The following GNB1 variants were observed in gnomAD, a reference collection of about 807,000 sequenced individuals.
GNB1 encodes guanine nucleotide-binding protein G(I)/G(S)/G(T) subunit beta-1.
GNB1 carries 2 observed loss-of-function variants against 42.9 expected under a neutral mutation model. That is an observed-to-expected ratio of 0.05 (90% CI 0.02 to 0.15). The LOEUF is 0.15. Ranked by LOEUF, GNB1 falls within the 10% of genes least tolerant of loss-of-function variation. GNB1 has a pLI of 1.00. For synonymous variants in GNB1, 183 were observed against 174.7 expected (o/e 1.05, Z -0.38); for missense variants, 193 against 462.2 (o/e 0.42, Z 5.34).
intron 7 of GNB1, among the ~76,000 whole-genome samples, chr1:1,797,071 C>T (rs1405773937): frequency 1.3e-5 from 2 of 152,126 alleles, no homozygotes; most frequent in Non-Finnish European, 1.5e-5. Flanking sequence ...GCATGGCTGC[C>T]GACCCAAAGA....
At chr1:1,861,299 C>A (rs535756736) in intron 1 of GNB1, among the ~76,000 whole-genome samples, 4 of 151,812 alleles carry the variant, frequency 2.6e-5, no homozygotes, top group South Asian at 2.1e-4. Context: ...TCCACACACA[C>A]AAAAAAATTT....
At chr1:1,813,485 TTTAC>T (rs1335961081) in intron 5 of GNB1, among the ~76,000 whole-genome samples, 2 of 152,136 alleles carry the variant, frequency 1.3e-5, no homozygotes, top group African/African-American at 2.4e-5. Flanking sequence ...TTCTTACTTA[TTTAC>T]TTATTTATTT....
intron 8 of GNB1, among the ~76,000 whole-genome samples, chr1:1,792,880 A>G (rs1478274863): frequency 6.6e-6 from 1 of 152,012 alleles, no homozygotes; most frequent in Non-Finnish European, 1.5e-5. Context: ...AGCCTGGCCA[A>G]TGTGGTGAAA....
intron 5 of GNB1, among the ~76,000 whole-genome samples, chr1:1,812,065 C>CAAA (rs1337182201): frequency 7.3e-6 from 1 of 136,686 alleles, no homozygotes; most frequent in African/African-American, 2.8e-5. Flanking sequence ...GACTCCGTCT[C>CAAA]AAAAAAAAAA....
At chr1:1,864,408 T>A (rs1648808709) in intron 1 of GNB1, among the ~76,000 whole-genome samples, 1 of 151,166 alleles carries the variant, frequency 6.6e-6, no homozygotes, top group Non-Finnish European at 1.5e-5. Flanking sequence ...CGTGGCAACT[T>A]CTGGCTCATA....
intron 4 of GNB1, among the ~76,000 whole-genome samples, chr1:1,817,113 C>T (rs1054364894): frequency 2.0e-5 from 3 of 152,156 alleles, no homozygotes; most frequent in African/African-American, 7.2e-5. Context: ...CCCTCTCTCC[C>T]CTAACACCCC....
intron 5 of GNB1, among the ~76,000 whole-genome samples, chr1:1,811,661 A>G (rs1339747441): frequency 1.3e-5 from 2 of 151,526 alleles, no homozygotes; most frequent in Non-Finnish European, 2.9e-5. Context: ...GCACCATTGC[A>G]CTCTAGCCTG....
At chr1:1,871,442 A>G (rs553737682) in intron 1 of GNB1, among the ~76,000 whole-genome samples, 16 of 150,636 alleles carry the variant, frequency 1.1e-4, no homozygotes, top group African/African-American at 3.6e-4. Context: ...CCACGGCAAC[A>G]GAGTGAGACT....
chr1:1,877,257 G>A (rs1235897634), intron 1 of GNB1, among the ~76,000 whole-genome samples: 5 of 147,132 alleles, frequency 3.4e-5, no homozygotes, highest in Non-Finnish European at 7.4e-5. Context: ...CCGAGATCGC[G>A]CCTCTGCACT....
intron 2 of GNB1, among the ~76,000 whole-genome samples, chr1:1,834,754 C>T (rs1410978475): frequency 2.6e-5 from 4 of 151,340 alleles, no homozygotes; most frequent in African/African-American, 9.7e-5. Flanking sequence ...GTGCAACCTC[C>T]GCCTCCCGGG....
intron 4 of GNB1, chr1:1,817,555 G>T: frequency 3.8e-6 from 1 of 261,616 alleles, no homozygotes; most frequent in Non-Finnish European, 7.3e-6. Context: ...CTGTTGAGGA[G>T]AGGAGCTTCA....
In GNB1 at chr1:1,890,924, G is replaced by T. The variant is rs1416772009; in HGVS notation, c.-200C>A. On this transcript the variant is annotated 5_prime_UTR_variant, in exon 1 of 12. Transcript: ENST00000378609. ...GCTGCGCGCTCCGCGGGCGCTGCGGGCAGGTGCGCGCCGGCGAGGCTCGGT... is the reference window on the plus strand; with the variant it reads ...GCTGCGCGCTCCGCGGGCGCTGCGGTCAGGTGCGCGCCGGCGAGGCTCGGT... The T allele has an allele frequency of 6.8e-6, 1 of 147,084 alleles. No individual in the cohort carries two copies. Among genetic ancestry groups the T allele is most frequent in the East Asian group, 2.0e-4 (1 of 5,060 alleles). The allele number at this position is 147,084 out of a possible 1,614,324, so 9.1% of individuals were successfully genotyped here.
At chr1:1,803,072 G>A (rs1278652146) in intron 7 of GNB1, among the ~76,000 whole-genome samples, 1 of 152,210 alleles carries the variant, frequency 6.6e-6, no homozygotes, top group Non-Finnish European at 1.5e-5. Flanking sequence ...TAGTACTAGT[G>A]ACTCCATGAA....
intron 1 of GNB1, among the ~76,000 whole-genome samples, chr1:1,839,445 C>CT (rs1444163259): frequency 1.3e-5 from 2 of 152,142 alleles, no homozygotes; most frequent in South Asian, 4.1e-4. Flanking sequence ...ATCTCAACTT[C>CT]TTTAAGAATC....
chr1:1,832,337 C>G (rs1327503354), intron 2 of GNB1: 2 of 152,208 alleles, frequency 1.3e-5, no homozygotes, highest in African/African-American at 4.8e-5. Context: ...CCGGTGCCGA[C>G]GTCACGGCTA....
intron 1 of GNB1, among the ~76,000 whole-genome samples, chr1:1,840,197 C>T (rs1056502568): frequency 6.7e-6 from 1 of 149,726 alleles, no homozygotes; most frequent in African/African-American, 2.5e-5. Flanking sequence ...CACTACACTT[C>T]AGCCTGGGTG....
chr1:1,835,629 T>C (rs1005176464), intron 2 of GNB1, among the ~76,000 whole-genome samples: 2 of 152,094 alleles, frequency 1.3e-5, no homozygotes, highest in Non-Finnish European at 2.9e-5. Context: ...AGTGTAACAG[T>C]GGAGTTAATC....
chr1:1,825,376 C>A, intron 3 of GNB1, 21 bp downstream of exon 3: 1 of 1,574,442 alleles, frequency 6.4e-7, no homozygotes, highest in Non-Finnish European at 8.7e-7. Flanking sequence ...TTAATAAAAC[C>A]AAGCACACAC....
At chr1:1,854,791 G>A (rs1027736333) in intron 1 of GNB1, among the ~76,000 whole-genome samples, 1 of 152,198 alleles carries the variant, frequency 6.6e-6, no homozygotes, top group African/African-American at 2.4e-5. Context: ...CCCGCACTTT[G>A]GGAAGCCGAG....
Sources: gnomAD v4.1 joint callset for allele counts (sites outside exome capture counted in the v4.1 genomes callset) on GRCh38, gnomAD v4.1.1 for gene constraint, MANE v1.5 for transcripts, NCBI Gene and HGNC (gene_info 2026-07-23, HGNC 2026-07-21) for gene names.